Variants in ANAPC1 observed in about 807,000 individuals in gnomAD.
ANAPC1 encodes the protein anaphase-promoting complex subunit 1.
A neutral mutation model predicts 208.0 loss-of-function variants in ANAPC1; 36 were observed. The ratio of observed to expected loss-of-function variants is 0.17; its 90% confidence interval spans 0.13 to 0.23. The LOEUF is 0.23. ANAPC1 is among the 10% of genes least tolerant of loss of function. ANAPC1 has a pLI of 1.00. For synonymous variants in ANAPC1, 378 were observed against 695.2 expected, an observed-to-expected ratio of 0.54 and a Z score of 7.18; for missense variants, 942 against 2,011.6, an observed-to-expected ratio of 0.47 and a Z score of 10.17.
At chr2:111,820,907 T>C (rs1463131408) in intron 26 of ANAPC1, among the ~76,000 whole-genome samples, 1 of 144,724 alleles carries the variant, frequency 6.9e-6, no homozygotes, top group African/African-American at 2.4e-5. Context: ...AAGTCCAGTG[T>C]TTTCTTTGTT....
intron 30 of ANAPC1, among the ~76,000 whole-genome samples, chr2:111,804,934 CT>C (rs555169204): frequency 0.088 from 2,736 of 31,212 alleles, 222 homozygotes; most frequent in Middle Eastern, 0.2. Flanking sequence ...TCCACTATAA[CT>C]TTTTTTTTTT....
intron 14 of ANAPC1, among the ~76,000 whole-genome samples, chr2:111,849,008 T>C (rs1407535986): frequency 6.6e-6 from 1 of 152,270 alleles, no homozygotes; most frequent in Non-Finnish European, 1.5e-5. Flanking sequence ...ATGCTTCCAA[T>C]CTTAAACTCT....
intron 26 of ANAPC1, chr2:111,819,168 TC>T (rs1679382542): frequency 1.0e-6 from 1 of 983,100 alleles, no homozygotes; most frequent in Non-Finnish European, 1.2e-6. Flanking sequence ...GAGACATATT[TC>T]CTCTGTTTTG....
rs1179324462 is a variant in ANAPC1 at position 111,858,214 on chromosome 2, CTACT to C, written c.1358+88_1358+91del. On this transcript the variant is annotated intron_variant, in intron 11 of 47. Transcript: ENST00000341068. Reference sequence around the variant, plus strand: ...ACATGTAAATTATTTCTAAATAAAACTACTTAAGCCAAAAAAAAAAGGAAAGAAA... The same window carrying C: ...ACATGTAAATTATTTCTAAATAAAACTAAGCCAAAAAAAAAAGGAAAGAAA... The C allele has an allele frequency of 3.4e-5, 30 of 894,368 alleles. No individual in the cohort carries two copies. In the South Asian group the frequency reaches 5.3e-4, roughly 16 times the overall value. The allele number at this position is 894,368 out of a possible 1,614,324, so 55.4% of individuals were successfully genotyped here.
intron 46 of ANAPC1, among the ~76,000 whole-genome samples, chr2:111,774,901 T>G (rs892638172): frequency 8.1e-5 from 12 of 148,794 alleles, no homozygotes; most frequent in African/African-American, 3.0e-4. Flanking sequence ...TAATAAAACT[T>G]TTTAAAGTTC....
Position 111,831,365 on chromosome 2 carries a change from C to G in ANAPC1, c.2546G>C (p.Ser849Thr), listed in dbSNP as rs1227198718. 2 of 1,611,750 alleles carry G rather than the reference C, an allele frequency of 1.2e-6. No individual in the cohort carries two copies. Among genetic ancestry groups the G allele is most frequent in the African/African-American group, 2.7e-5 (2 of 74,806 alleles). Residue 849 changes from serine (S) to threonine (T), a missense_variant, in exon 21 of 48, where the codon AGT becomes ACT. Transcript: ENST00000341068. ...CATTCCTTCACCCTTCAGACAAGAA[C>G]TCACCCACTGATAAATACTTGGTGG... Reference protein sequence around the residue: ...SEPPSIYQWVSSCLKGEGMPP... With the variant: ...SEPPSIYQWVTSCLKGEGMPP...
rs756046931 is a variant in ANAPC1 at position 111,873,361 on chromosome 2, T to C, written c.475A>G (p.Ile159Val). 128 of 1,609,702 alleles carry C rather than the reference T, an allele frequency of 8.0e-5. No individual in the cohort carries two copies. Among genetic ancestry groups the C allele is most frequent in the Non-Finnish European group, 9.3e-6 (11 of 1,178,414 alleles). Residue 159 changes from isoleucine to valine, a missense_variant, in exon 5 of 48, where the codon ATT (isoleucine) becomes GTT (valine). Ile to Val is a conservative substitution (Grantham distance 29, BLOSUM62 3). Transcript: ENST00000341068. ...KCICILQSSC[I>V]NMHSIEGKDY... ...TTTCCTTCTATGCTATGCATGTTAA[T>C]ACATGAGCTTTGCAATATACATATG...
chr2:111,770,564 TG>T (rs1558652851), intron 47 of ANAPC1, among the ~76,000 whole-genome samples: 1 of 150,664 alleles, frequency 6.6e-6, no homozygotes, highest in Non-Finnish European at 1.5e-5. Context: ...ACCCCATGCA[TG>T]TTTATTTTTT....
Position 111,847,868 on chromosome 2 carries a change from G to C in ANAPC1, c.1651-3C>G. On this transcript the variant is annotated splice_region_variant and splice_polypyrimidine_tract_variant and intron_variant, in intron 14 of 47. Transcript: ENST00000341068. ...GGAACTGGGGACAACAGAACAACCT[G>C]TAAAAAGTTGTAAATACGATACAAA... 6.4e-7 allele frequency: 1 copy of C among 1,561,810 alleles called. No homozygotes were observed. The highest frequency in any genetic ancestry group is 1.2e-5 in the South Asian group (1 of 82,160).
At chr2:111,833,681 T>TAAA (rs372311361) in intron 19 of ANAPC1, among the ~76,000 whole-genome samples, 3 of 85,998 alleles carry the variant, frequency 3.5e-5, no homozygotes, top group East Asian at 3.2e-4. Context: ...ATAAAATATG[T>TAAA]AAAAAAAAAA....
At chr2:111,802,648 T>C in intron 32 of ANAPC1, 142 bp from the exon 33 acceptor site, 1 of 330,470 alleles carries the variant, frequency 3.0e-6, no homozygotes, top group Non-Finnish European at 5.6e-6. Flanking sequence ...CCTTCTAATG[T>C]AATAGTTATT....
At chr2:111,866,203 CAA>C (rs55845483) in intron 7 of ANAPC1, 836 of 216,870 alleles carry the variant, frequency 3.9e-3, no homozygotes, top group South Asian at 6.3e-3. Flanking sequence ...GACTCTGTCT[CAA>C]AAAAAAAAAA....
chr2:111,800,345 C>CA (rs1678380443), intron 34 of ANAPC1, among the ~76,000 whole-genome samples: 1 of 134,732 alleles, frequency 7.4e-6, no homozygotes. Context: ...CAGTTTTTAC[C>CA]AAAAAAATCT....
intron 8 of ANAPC1, among the ~76,000 whole-genome samples, chr2:111,864,280 T>C (rs1682263464): frequency 6.6e-6 from 1 of 151,164 alleles, no homozygotes; most frequent in Admixed American, 6.6e-5. Flanking sequence ...GAACTGTAAT[T>C]GTGCCATTAT....
At chr2:111,846,816 C>T (rs77062537) in intron 16 of ANAPC1, among the ~76,000 whole-genome samples, 3 of 151,830 alleles carry the variant, frequency 2.0e-5, no homozygotes, top group East Asian at 3.9e-4. Context: ...GCGATCCACC[C>T]GCCTCAGTCT....
intron 17 of ANAPC1, among the ~76,000 whole-genome samples, chr2:111,840,957 C>G (rs12992603): frequency 0.23 from 34,835 of 152,088 alleles, 4,149 homozygotes; most frequent in Middle Eastern, 0.37. Flanking sequence ...GCACAAGAAT[C>G]GCTTCAACTT....
At chr2:111,853,271 G>A (rs959436187) in intron 13 of ANAPC1, among the ~76,000 whole-genome samples, 7 of 152,070 alleles carry the variant, frequency 4.6e-5, no homozygotes, top group African/African-American at 1.7e-4. Context: ...ATATAGTTGG[G>A]CTGTATTTTC....
chr2:111,787,590 A>AT (rs1390616225), intron 39 of ANAPC1, among the ~76,000 whole-genome samples: 1 of 152,122 alleles, frequency 6.6e-6, no homozygotes, highest in Non-Finnish European at 1.5e-5. Context: ...TATAGGGGCT[A>AT]TTTTATTCTC....
chr2:111,866,904 G>A (rs56013421), intron 7 of ANAPC1, among the ~76,000 whole-genome samples: 3,296 of 151,664 alleles, frequency 0.022, 110 homozygotes, highest in African/African-American at 0.074. Flanking sequence ...AACTTTTTCT[G>A]TAAAAGATCA....
Sources: allele counts gnomAD v4.1 joint callset (sites outside exome capture counted in the v4.1 genomes callset), GRCh38; gene constraint gnomAD v4.1.1; transcripts MANE v1.5; gene names NCBI Gene and HGNC (gene_info 2026-07-23, HGNC 2026-07-21).